MGMT: variants seen among roughly 807,000 people sequenced by gnomAD.
MGMT encodes O-6-methylguanine-DNA methyltransferase.
In MGMT, 14 loss-of-function variants were observed where a neutral mutation model predicts 15.9. The ratio of observed to expected loss-of-function variants is 0.88; its 90% confidence interval spans 0.58 to 1.37. MGMT has a LOEUF of 1.37. Ranked by LOEUF, MGMT falls within the 40% of genes most tolerant of loss-of-function variation. The probability of loss-of-function intolerance (pLI) is 0.00; values close to 1 mark genes in which losing one functional copy is unlikely to be tolerated. For synonymous variants in MGMT, 130 were observed against 118.2 expected (o/e 1.10, Z -0.65); for missense variants, 282 against 268.1 (o/e 1.05, Z -0.36).
chr10:129,759,152 C>T, intron 3 of MGMT, 50 bp from the exon 4 acceptor site: 2 of 1,608,006 alleles, frequency 1.2e-6, no homozygotes, highest in Non-Finnish European at 1.7e-6. Flanking sequence ...TATATCAGAG[C>T]TGCTGAAGCC....
chr10:129,468,305 G>T (rs1433178932), intron 1 of MGMT, among the ~76,000 whole-genome samples: 1 of 152,166 alleles, frequency 6.6e-6, no homozygotes, highest in African/African-American at 2.4e-5. Flanking sequence ...CACCTGGTGG[G>T]TGGGGGTGTG....
intron 2 of MGMT, among the ~76,000 whole-genome samples, chr10:129,574,641 A>T (rs1231374624): frequency 6.6e-6 from 1 of 152,168 alleles, no homozygotes; most frequent in Non-Finnish European, 1.5e-5. Context: ...TGTCACCAGA[A>T]GTAGGTTGTC....
At chr10:129,490,894 G>A (rs1845462619) in intron 1 of MGMT, among the ~76,000 whole-genome samples, 1 of 151,988 alleles carries the variant, frequency 6.6e-6, no homozygotes, top group Non-Finnish European at 1.5e-5. Flanking sequence ...ATACACCCTG[G>A]ACTTACTATA....
intron 1 of MGMT, among the ~76,000 whole-genome samples, chr10:129,477,671 C>T (rs533878908): frequency 4.8e-4 from 73 of 152,326 alleles, no homozygotes; most frequent in Non-Finnish European, 9.0e-4. Context: ...TCACTGGAAA[C>T]GGAATCAGCC....
At chr10:129,669,923 A>G (rs903532856) in intron 2 of MGMT, among the ~76,000 whole-genome samples, 1 of 152,200 alleles carries the variant, frequency 6.6e-6, no homozygotes, top group Non-Finnish European at 1.5e-5. Flanking sequence ...AAGCTATTTA[A>G]TGTTTGATAA....
chr10:129,646,302 G>C (rs1486012165), intron 2 of MGMT, among the ~76,000 whole-genome samples: 3 of 152,016 alleles, frequency 2.0e-5, no homozygotes, highest in Non-Finnish European at 2.9e-5. Context: ...GAGCAGAGGG[G>C]GATTTACGTT....
chr10:129,738,059 C>T (rs1412004001), intron 3 of MGMT, among the ~76,000 whole-genome samples: 2 of 152,238 alleles, frequency 1.3e-5, no homozygotes, highest in Non-Finnish European at 2.9e-5. Context: ...AGGCAGGCCT[C>T]CTTGAGCTGT....
rs61316662 is a variant in MGMT, at chr10:129,518,337, T to TACACACACACACACACACACACAC, written c.-12-17890_-12-17867dup. Among the ~76,000 whole-genome samples, 76 of 119,650 alleles carry TACACACACACACACACACACACAC rather than the reference T, an allele frequency of 6.4e-4. 1 individual carries two copies. The highest frequency in any genetic ancestry group is 2.0e-3 in the East Asian group (6 of 3,014). The allele number at this position is 119,650 out of a possible 152,430, so 78.5% of individuals were successfully genotyped here. ...TGATGTGTGTACAGATACACACACA[T>TACACACACACACACACACACACAC]ACACACACACACACACACACACACA... On this transcript the variant is annotated intron_variant, in intron 1 of 4. Coordinates refer to ENST00000651593, the MANE Select transcript of MGMT (RefSeq NM_002412.5).
chr10:129,743,130 C>T (rs1184788279), intron 3 of MGMT, among the ~76,000 whole-genome samples: 1 of 152,110 alleles, frequency 6.6e-6, no homozygotes, highest in African/African-American at 2.4e-5. Context: ...CGGGGCGGGT[C>T]GTTACTGATC....
chr10:129,713,352 T>C (rs920284651), intron 3 of MGMT, among the ~76,000 whole-genome samples: 1 of 152,160 alleles, frequency 6.6e-6, no homozygotes, highest in East Asian at 1.9e-4. Context: ...CTGGTAAAAA[T>C]GTAATTCTTT....
At chr10:129,733,794 C>T (rs1258230874) in intron 3 of MGMT, among the ~76,000 whole-genome samples, 1 of 152,166 alleles carries the variant, frequency 6.6e-6, no homozygotes, top group African/African-American at 2.4e-5. Flanking sequence ...CCAGTTTTCC[C>T]AGCACCATTT....
intron 3 of MGMT, among the ~76,000 whole-genome samples, chr10:129,744,811 C>G (rs974956872): frequency 3.3e-5 from 5 of 152,206 alleles, no homozygotes; most frequent in Non-Finnish European, 7.3e-5. Flanking sequence ...AAGTAGATGC[C>G]GGGTGGGGAT....
intron 2 of MGMT, among the ~76,000 whole-genome samples, chr10:129,542,796 G>A (rs1405903966): frequency 1.3e-5 from 2 of 152,150 alleles, no homozygotes; most frequent in Non-Finnish European, 2.9e-5. Flanking sequence ...GGAACCCCTT[G>A]TTCTTGCCCC....
At chr10:129,569,995 ACT>A (rs1279254800) in intron 2 of MGMT, among the ~76,000 whole-genome samples, 1 of 152,152 alleles carries the variant, frequency 6.6e-6, no homozygotes, top group Non-Finnish European at 1.5e-5. Context: ...GTGTAGACTA[ACT>A]CTGCAGCCTA....
At chr10:129,542,357 C>T (rs555825989) in intron 2 of MGMT, among the ~76,000 whole-genome samples, 2 of 152,240 alleles carry the variant, frequency 1.3e-5, no homozygotes, top group South Asian at 4.1e-4. Flanking sequence ...TCAAGGTCCA[C>T]GGGCCATGAG....
chr10:129,593,733 A>ACC (rs977485794), intron 2 of MGMT, among the ~76,000 whole-genome samples: 20 of 151,980 alleles, frequency 1.3e-4, no homozygotes, highest in Middle Eastern at 3.4e-3. Flanking sequence ...CGCCACAGAC[A>ACC]CCCAGGGCTG....
rs116600444 is a variant in MGMT, at chr10:129,716,499, C to T, written c.274+8456C>T. 4.2e-3 allele frequency among the ~76,000 whole-genome samples: 634 copies of T among 152,322 alleles called. 8 individuals are homozygous for T. The highest frequency in any genetic ancestry group is 0.015 in the African/African-American group (622 of 41,568). The stretch of plus-strand genomic sequence containing the variant: ...CGCGATCCCCCGCCTGCCAAGCAAC[C>T]TGATTTTCTCTTCAGCCTTTCCTCA... On this transcript the variant is annotated intron_variant, in intron 3 of 4. Coordinates refer to ENST00000651593, the MANE Select transcript of MGMT (RefSeq NM_002412.5).
intron 1 of MGMT, among the ~76,000 whole-genome samples, chr10:129,468,333 C>G (rs1220781025): frequency 6.6e-6 from 1 of 152,032 alleles, no homozygotes; most frequent in South Asian, 2.1e-4. Context: ...TGAAGGAAAC[C>G]GCGTCAAGAG....
intron 1 of MGMT, among the ~76,000 whole-genome samples, chr10:129,493,141 G>A (rs1165504646): frequency 6.6e-6 from 1 of 152,124 alleles, no homozygotes. Flanking sequence ...AGCCTGATCT[G>A]TTTGACTCCT....
Sources: gnomAD v4.1 joint callset for allele counts (sites outside exome capture counted in the v4.1 genomes callset) on GRCh38, gnomAD v4.1.1 for gene constraint, MANE v1.5 for transcripts, NCBI Gene and HGNC (gene_info 2026-07-23, HGNC 2026-07-21) for gene names.